Variants in STK26 observed in about 807,000 individuals in gnomAD.
STK26 encodes the protein serine/threonine kinase 26.
Under a neutral mutation model 34.7 loss-of-function variants are expected in STK26, and 14 were observed. The ratio of observed to expected loss-of-function variants is 0.40; its 90% CI spans 0.27 to 0.63. STK26 has a LOEUF of 0.63. STK26 is among the 30% of genes least tolerant of loss of function. The pLI is 0.38. For missense variants in STK26, 226 were observed against 309.1 expected, an observed-to-expected ratio of 0.73 and a Z score of 2.02; for synonymous variants, 100 against 109.8, an observed-to-expected ratio of 0.91 and a Z score of 0.56.
intron 4 of STK26, among the ~76,000 whole-genome samples, chrX:132,064,669 G>A (rs1336318258): frequency 1.8e-5 from 2 of 111,435 alleles, no homozygotes; most frequent in African/African-American, 6.5e-5. Context: ...CTGGACGTAG[G>A]TGTTCTATAA....
chrX:132,024,178 T>G (rs1262115005), intron 2 of STK26, among the ~76,000 whole-genome samples: 3 of 111,226 alleles, frequency 2.7e-5, no homozygotes, highest in Non-Finnish European at 5.7e-5. Context: ...TCCCTTTCGG[T>G]ACTGCTGCTT....
At position 132,068,565 on chromosome X, in the gene STK26, C is replaced by T. The variant is rs201522308; in HGVS notation, c.593C>T (p.Ser198Leu). 1.6e-4 allele frequency: 189 copies of T among 1,205,134 alleles called. No homozygotes were observed. Among genetic ancestry groups the T allele is most frequent in the Non-Finnish European group, 2.0e-4 (183 of 893,223 alleles). The change falls in exon 6 of 12, where the codon TCA becomes TTA. Residue 198 changes from serine to leucine, a missense_variant. Coordinates refer to ENST00000394334, the MANE Select transcript of STK26 (RefSeq NM_016542.4). ...GTTATTCAACAGTCAGCTTATGACT[C>T]AAAAGTAAAGTATTACCTGTACAAA... is the stretch of plus-strand genomic sequence containing the variant. ...PEVIQQSAYD[S>L]KADIWSLGIT...
At chrX:132,034,111 C>CATAT (rs35610755) in intron 2 of STK26, among the ~76,000 whole-genome samples, 6,593 of 94,769 alleles carry the variant, frequency 0.07, 200 homozygotes, top group African/African-American at 0.086. Flanking sequence ...ATAATAAATA[C>CATAT]ATATATATAT....
intron 2 of STK26, among the ~76,000 whole-genome samples, chrX:132,031,972 A>G (rs753913928): frequency 9.0e-6 from 1 of 111,213 alleles, no homozygotes; most frequent in Non-Finnish European, 1.9e-5. Flanking sequence ...ACTTAGGAAA[A>G]TCACCTGACG....
intron 2 of STK26, among the ~76,000 whole-genome samples, chrX:132,033,470 T>C (rs1925917012): frequency 8.9e-6 from 1 of 112,251 alleles, no homozygotes; most frequent in Non-Finnish European, 1.9e-5. Context: ...CAAATTTATG[T>C]TTTTTAAGTG....
Position 132,054,612 on chromosome X carries a change from C to A in STK26, c.43-19C>A, listed in dbSNP as rs370726118. ...AAACATTTGTGTTCTTTCTTTTTCT[C>A]GTTCCCCACTCCCTTCAGAATAACA... On this transcript the variant is annotated intron_variant, in intron 2 of 11. Transcript: ENST00000394334. 1 of 1,151,608 alleles carries A rather than the reference C, an allele frequency of 8.7e-7. No individual in the cohort carries two copies. The highest frequency in any genetic ancestry group is 1.2e-6 in the Non-Finnish European group (1 of 857,072). 94.9% of individuals were successfully genotyped at this position (1,151,608 alleles called of 1,213,427 possible).
In STK26 at chrX:132,072,794, C is replaced by A. The variant is rs770388722; in HGVS notation, c.1027-19C>A. 3 of 1,190,787 alleles carry A rather than the reference C, an allele frequency of 2.5e-6. No homozygotes were observed. The highest frequency in any genetic ancestry group is 3.4e-6 in the Non-Finnish European group (3 of 878,492). On this transcript the variant is annotated intron_variant, in intron 9 of 11. Transcript: ENST00000394334. ...CTTATTTTAATTTCATGTGTATAAT[C>A]TATATTATTTGTTCAAAGGAGCAAG... is the stretch of plus-strand genomic sequence containing the variant.
chrX:132,049,038 G>A (rs1244186983), intron 2 of STK26, among the ~76,000 whole-genome samples: 1 of 112,126 alleles, frequency 8.9e-6, no homozygotes, highest in Non-Finnish European at 1.9e-5. Context: ...GAGTGCAGTG[G>A]TGTGATCATG....
chrX:132,026,711 T>A (rs1421814922), intron 2 of STK26, among the ~76,000 whole-genome samples: 2 of 112,441 alleles, frequency 1.8e-5, no homozygotes. Flanking sequence ...AAGAATAAAG[T>A]TAAATGTTGA....
intron 2 of STK26, among the ~76,000 whole-genome samples, chrX:132,026,006 A>G (rs1935092472): frequency 8.9e-6 from 1 of 112,059 alleles, no homozygotes; most frequent in African/African-American, 3.2e-5. Context: ...GTGTTTCCAC[A>G]AATCAGGGTG....
chrX:132,068,108 C>A, intron 4 of STK26, 107 bp from the exon 5 acceptor site: 1 of 543,840 alleles, frequency 1.8e-6, no homozygotes, highest in Non-Finnish European at 2.9e-6. Flanking sequence ...AACAGAACGG[C>A]ATCATGTGTC....
chrX:132,054,939 A>G (rs1237999745), intron 3 of STK26, 78 bp downstream of exon 3: 6 of 883,483 alleles, frequency 6.8e-6, no homozygotes, highest in Admixed American at 3.4e-5. Flanking sequence ...TTGAAAGGCA[A>G]TGTCTTAAAT....
chrX:132,061,885 C>T (rs892717586), intron 3 of STK26, among the ~76,000 whole-genome samples: 2 of 111,686 alleles, frequency 1.8e-5, no homozygotes, highest in African/African-American at 6.5e-5. Context: ...CTGGCAGTAG[C>T]TTGAGAATCT....
intron 11 of STK26, among the ~76,000 whole-genome samples, chrX:132,073,575 T>C (rs1451708088): frequency 2.7e-5 from 3 of 112,136 alleles, no homozygotes; most frequent in Admixed American, 9.5e-5. Context: ...AACTTCAGTT[T>C]CTATGTTGTC....
intron 2 of STK26, among the ~76,000 whole-genome samples, chrX:132,041,725 A>C (rs1400343104): frequency 9.0e-6 from 1 of 110,724 alleles, no homozygotes; most frequent in Non-Finnish European, 1.9e-5. Flanking sequence ...TTAAGTTCCT[A>C]AACAGACTAT....
At chrX:132,057,265 C>A (rs1207301260) in intron 3 of STK26, among the ~76,000 whole-genome samples, 5 of 111,393 alleles carry the variant, frequency 4.5e-5, no homozygotes, top group Non-Finnish European at 7.5e-5. Flanking sequence ...TTGGGGTTCC[C>A]TGGCAGAAAT....
rs2124200461 is a variant in STK26 at position 132,074,798 on chromosome X, G to A, written c.*639G>A. 1 of 111,350 alleles carries A rather than the reference G, an allele frequency of 9.0e-6. No individual in the cohort carries two copies. Among genetic ancestry groups the A allele is most frequent in the Admixed American group, 9.6e-5 (1 of 10,469 alleles). 9.2% of individuals were successfully genotyped at this position (111,350 alleles called of 1,213,427 possible). ...TACAGCAACAGAGGTACCTCTTGGT[G>A]TATAGTATTTACATTCTCTTTTAGG... On this transcript the variant is annotated 3_prime_UTR_variant, in exon 12 of 12. Coordinates refer to ENST00000394334, the MANE Select transcript of STK26 (RefSeq NM_016542.4).
chrX:132,058,376 T>G (rs1926932805), intron 3 of STK26, among the ~76,000 whole-genome samples: 1 of 111,013 alleles, frequency 9.0e-6, no homozygotes, highest in Admixed American at 9.6e-5. Context: ...CTTGCTACTT[T>G]TAGGCACCTG....
intron 2 of STK26, among the ~76,000 whole-genome samples, chrX:132,048,182 A>G (rs374554830): frequency 8.9e-6 from 1 of 111,964 alleles, no homozygotes; most frequent in Admixed American, 9.5e-5. Flanking sequence ...TCATTTCATG[A>G]TGTATATACT....
Sources: gnomAD v4.1 joint callset for allele counts (sites outside exome capture counted in the v4.1 genomes callset) on GRCh38, gnomAD v4.1.1 for gene constraint, MANE v1.5 for transcripts, NCBI Gene and HGNC (gene_info 2026-07-23, HGNC 2026-07-21) for gene names.